The following SEMA4D variants were observed in gnomAD, a reference collection of about 807,000 sequenced individuals.
SEMA4D encodes the protein semaphorin-4D.
SEMA4D carries 22 observed loss-of-function variants against 74.8 expected under a neutral mutation model. That is an observed-to-expected ratio of 0.29 (90% CI 0.21 to 0.42). SEMA4D has a LOEUF of 0.42. Among genes scored for constraint, SEMA4D ranks in the 10% least tolerant of loss-of-function variants. The pLI is 1.00. For synonymous variants in SEMA4D, 445 were observed against 463.7 expected, an observed-to-expected ratio of 0.96 and a Z score of 0.52; for missense variants, 937 against 1,118.4, an observed-to-expected ratio of 0.84 and a Z score of 2.31.
At chr9:89,432,994 C>T (rs1849600928) in intron 2 of SEMA4D, among the ~76,000 whole-genome samples, 1 of 152,252 alleles carries the variant, frequency 6.6e-6, no homozygotes, top group Non-Finnish European at 1.5e-5. Flanking sequence ...TTTATAAGGA[C>T]AACCTGAAGG....
At chr9:89,370,163 G>A (rs540870209) in intron 16 of SEMA4D, among the ~76,000 whole-genome samples, 1 of 151,186 alleles carries the variant, frequency 6.6e-6, no homozygotes, top group South Asian at 2.1e-4. Context: ...GAGTATGCAT[G>A]GTCTGTGTGT....
rs112579681 is a variant in SEMA4D, at chr9:89,408,917, A to G, written c.-243-3218T>C. Among the ~76,000 whole-genome samples the G allele has an allele frequency of 8.6e-3, 1,314 of 152,324 alleles. 9 individuals are homozygous for G. The highest frequency in any genetic ancestry group is 0.013 in the Non-Finnish European group (876 of 68,032). ...CCCCCAGCTGGGCAAAGGTCCATAC[A>G]CACAAAAGAAACAGCAATGAGCTGC... On this transcript the variant is annotated intron_variant, in intron 2 of 15. Transcript: ENST00000422704.
chr9:89,361,985 G>C (rs1274532237), exon 19 of SEMA4D: 2 of 279,710 alleles, frequency 7.2e-6, no homozygotes, highest in South Asian at 6.1e-5. Context: ...TGGCTATTAG[G>C]GGGTGGGGGC....
At chr9:89,385,535 A>C (rs1378456839) in intron 13 of SEMA4D, 1 of 985,236 alleles carries the variant, frequency 1.0e-6, no homozygotes, top group African/African-American at 1.7e-5. Flanking sequence ...AGTGGCTTAT[A>C]ACTTGCTCAG....
intron 4 of SEMA4D, among the ~76,000 whole-genome samples, chr9:89,401,298 C>G (rs1323268638): frequency 6.6e-6 from 1 of 152,176 alleles, no homozygotes; most frequent in Non-Finnish European, 1.5e-5. Context: ...CTCAAGTAAT[C>G]CGCCTACCTC....
In SEMA4D at chr9:89,378,499, T is replaced by G. The variant is rs1836229619; in HGVS notation, c.*205A>C. The stretch of plus-strand genomic sequence containing the variant: ...GGAACACAAGACTGGGATGCAATGC[T>G]TGTCATTTTTCCAAAAGGACAAAGA... On this transcript the variant is annotated 3_prime_UTR_variant, in exon 16 of 16. Coordinates refer to ENST00000422704, the MANE Select transcript of SEMA4D (RefSeq NM_001371194.2). 1.7e-6 allele frequency: 1 copy of G among 571,768 alleles called. No homozygotes were observed. Among genetic ancestry groups the G allele is most frequent in the East Asian group, 2.9e-5 (1 of 34,526 alleles). The allele number at this position is 571,768 out of a possible 1,614,324, so 35.4% of individuals were successfully genotyped here.
intron 9 of SEMA4D, among the ~76,000 whole-genome samples, chr9:89,390,619 T>C (rs1197261291): frequency 6.6e-6 from 1 of 152,180 alleles, no homozygotes; most frequent in African/African-American, 2.4e-5. Context: ...ATCTACCAAT[T>C]TCCATGAGAG....
At chr9:89,398,682 G>C (rs1841541699) in intron 5 of SEMA4D, among the ~76,000 whole-genome samples, 1 of 152,178 alleles carries the variant, frequency 6.6e-6, no homozygotes, top group Admixed American at 6.5e-5. Context: ...ACCCTCTGGG[G>C]CTGCGGGGGT....
chr9:89,377,442 C>G lies in SEMA4D; in HGVS notation c.*1262G>C, dbSNP rs1385164998. 1.9e-5 allele frequency: 3 copies of G among 161,632 alleles called. No individual in the cohort carries two copies. Among genetic ancestry groups the G allele is most frequent in the African/African-American group, 7.2e-5 (3 of 41,722 alleles). 10.0% of individuals were successfully genotyped at this position (161,632 alleles called of 1,614,324 possible). On this transcript the variant is annotated 3_prime_UTR_variant, in exon 16 of 16. Transcript: ENST00000422704. ...TCACCATGGAAAAAAAGTCTCTTCC[C>G]GATGGGTATTTACAAAGCGGGGAGA...
chr9:89,449,845 AGGATTATATTC>A lies in SEMA4D; in HGVS notation c.-244+6032_-244+6042del, dbSNP rs368036699. Reference sequence around the variant, plus strand: ...CACTTCTCCCCTTTGAAGAGAGACCAGGATTATATTCTCAAGGAAGGTGACTTGGTAAAAAT... The same window carrying A: ...CACTTCTCCCCTTTGAAGAGAGACCATCAAGGAAGGTGACTTGGTAAAAAT... On this transcript the variant is annotated intron_variant, in intron 2 of 15. Coordinates refer to ENST00000422704, the MANE Select transcript of SEMA4D (RefSeq NM_001371194.2). The A allele has an allele frequency of 1.7e-3, 2,629 of 1,503,938 alleles. 2 individuals carry two copies. The highest frequency in any genetic ancestry group is 7.1e-3 in the Middle Eastern group (30 of 4,214). The allele number at this position is 1,503,938 out of a possible 1,614,324, so 93.2% of individuals were successfully genotyped here.
At chr9:89,422,692 A>G (rs991904070) in intron 2 of SEMA4D, among the ~76,000 whole-genome samples, 1 of 152,188 alleles carries the variant, frequency 6.6e-6, no homozygotes, top group Admixed American at 6.5e-5. Flanking sequence ...CTCCACTTAC[A>G]ATTCATTTTT....
At position 89,435,177 on chromosome 9, in the gene SEMA4D, G is replaced by A. The variant is rs544423944; in HGVS notation, c.-244+20711C>T. On this transcript the variant is annotated intron_variant, in intron 2 of 15. Coordinates refer to ENST00000422704, the MANE Select transcript of SEMA4D (RefSeq NM_001371194.2). ...TGGAGGACAGAAATCCCCACTAAGAGAGTCATGATAAAGGCAGTCATAAGG... is the reference window on the plus strand; with the variant it reads ...TGGAGGACAGAAATCCCCACTAAGAAAGTCATGATAAAGGCAGTCATAAGG... Among the ~76,000 whole-genome samples, 42 of 152,260 alleles carry A rather than the reference G, an allele frequency of 2.8e-4. No individual in the cohort carries two copies. In the South Asian group the frequency reaches 3.9e-3, roughly 14 times the overall value.
intron 16 of SEMA4D, chr9:89,368,521 GC>G (rs975917554): frequency 2.6e-5 from 4 of 152,618 alleles, no homozygotes; most frequent in African/African-American, 9.6e-5. Context: ...GGACAGTGCA[GC>G]TGGGGGTATG....
At chr9:89,467,896 T>C (rs1039373260) in intron 1 of SEMA4D, among the ~76,000 whole-genome samples, 1 of 152,196 alleles carries the variant, frequency 6.6e-6, no homozygotes, top group Non-Finnish European at 1.5e-5. Context: ...GGCAGTGGCA[T>C]GTCCCACAGC....
intron 2 of SEMA4D, among the ~76,000 whole-genome samples, chr9:89,438,683 T>A (rs1236937919): frequency 1.3e-5 from 2 of 151,880 alleles, no homozygotes; most frequent in African/African-American, 4.9e-5. Flanking sequence ...CTTTTTTTTT[T>A]AAGACGGAGT....
At chr9:89,436,477 G>A (rs1850426241) in intron 2 of SEMA4D, 1 of 152,406 alleles carries the variant, frequency 6.6e-6, no homozygotes, top group South Asian at 2.1e-4. Context: ...GGGGTTTCAA[G>A]GGCTCTGTTA....
intron 1 of SEMA4D, among the ~76,000 whole-genome samples, chr9:89,461,559 C>T (rs1162384796): frequency 2.0e-5 from 3 of 152,294 alleles, no homozygotes; most frequent in South Asian, 4.1e-4. Context: ...CACAGGAAGG[C>T]TGCCAGAATA....
chr9:89,368,206 C>T (rs1157589830), intron 16 of SEMA4D: 1 of 152,472 alleles, frequency 6.6e-6, no homozygotes, highest in East Asian at 1.9e-4. Context: ...CAGCCCATCT[C>T]CCAAACTCAC....
rs1159470349 is a variant in SEMA4D at position 89,391,394 on chromosome 9, T to G, written c.644A>C (p.Asp215Ala). 6.2e-7 allele frequency: 1 copy of G among 1,614,234 alleles called. No individual in the cohort carries two copies. The highest frequency in any genetic ancestry group is 1.1e-5 in the South Asian group (1 of 91,088). The change falls in exon 9 of 16, where the codon GAC becomes GCC. Residue 215 changes from aspartate (D) to alanine (A), a missense_variant. Coordinates refer to ENST00000422704, the MANE Select transcript of SEMA4D (RefSeq NM_001371194.2). ...WLNEPSFVFADVIRKSPDSPD... is the reference protein window; with the variant it reads ...WLNEPSFVFAAVIRKSPDSPD... ...GCTGTCTGGGCTTTTTCGGATCACG[T>G]CAGCAAACACGAAACTAGGCTCTGC...
Sources: allele counts gnomAD v4.1 joint callset (sites outside exome capture counted in the v4.1 genomes callset), GRCh38; gene constraint gnomAD v4.1.1; transcripts MANE v1.5; gene names NCBI Gene and HGNC (gene_info 2026-07-23, HGNC 2026-07-21).